The following STX18 variants were observed in gnomAD, a reference collection of about 807,000 sequenced individuals.
The protein encoded by STX18 is syntaxin 18.
STX18 carries 40 observed loss-of-function variants against 50.1 expected under a neutral mutation model. That is an observed-to-expected ratio of 0.80 (90% CI 0.62 to 1.04). The LOEUF (loss-of-function observed/expected upper bound fraction) is 1.04, where lower values mean the gene tolerates loss of function less well. STX18 is among the 50% of genes least tolerant of loss of function. STX18 has a pLI of 0.00. For missense variants in STX18, 410 were observed against 415.8 expected (o/e 0.99, Z 0.12); for synonymous variants, 158 against 151.8 (o/e 1.04, Z -0.30).
intron 5 of STX18, among the ~76,000 whole-genome samples, chr4:4,448,606 T>C (rs1396898673): frequency 6.6e-6 from 1 of 152,206 alleles, no homozygotes; most frequent in Non-Finnish European, 1.5e-5. Flanking sequence ...CCTCCCAAAG[T>C]GCTGGGATTA....
At chr4:4,482,600 CTTCTG>C (rs1728515056) in intron 1 of STX18, among the ~76,000 whole-genome samples, 1 of 152,264 alleles carries the variant, frequency 6.6e-6, no homozygotes, top group Non-Finnish European at 1.5e-5. Flanking sequence ...CATCTACCAG[CTTCTG>C]TTCCTGCACT....
intron 1 of STX18, among the ~76,000 whole-genome samples, chr4:4,483,370 T>C (rs578253010): frequency 6.6e-6 from 1 of 152,272 alleles, no homozygotes; most frequent in African/African-American, 2.4e-5. Flanking sequence ...TCAATGCAAC[T>C]TCCATTTTAA....
chr4:4,471,544 T>A, intron 2 of STX18, 95 bp downstream of exon 2: 1 of 806,042 alleles, frequency 1.2e-6, no homozygotes, highest in South Asian at 2.3e-5. Context: ...AACTCTGAGT[T>A]ATTAAGAAAA....
intron 5 of STX18, among the ~76,000 whole-genome samples, chr4:4,447,347 T>C (rs1322521443): frequency 2.6e-5 from 4 of 151,628 alleles, no homozygotes; most frequent in African/African-American, 7.3e-5. Context: ...CCCAGCACTT[T>C]GCGAGGCCGA....
At chr4:4,515,819 A>C (rs530977786) in intron 1 of STX18, among the ~76,000 whole-genome samples, 2 of 152,174 alleles carry the variant, frequency 1.3e-5, no homozygotes. Context: ...AATACTACTC[A>C]CTGGTAAAAT....
chr4:4,454,568 CCTCCTTCTCCGTAATGT>C (rs1726966858), intron 5 of STX18, among the ~76,000 whole-genome samples: 1 of 152,198 alleles, frequency 6.6e-6, no homozygotes, highest in Non-Finnish European at 1.5e-5. Context: ...CAGAGGCCTA[CCTCCTTCTCCGTAATGT>C]CTTGGAGCTA....
At position 4,419,910 on chromosome 4, in the gene STX18, CTTTCCCTT is replaced by C; in HGVS notation, c.*116_*123del. 2.5e-6 allele frequency: 2 copies of C among 800,798 alleles called. No homozygotes were observed. Among genetic ancestry groups the C allele is most frequent in the African/African-American group, 1.7e-5 (1 of 58,532 alleles). The allele number at this position is 800,798 out of a possible 1,614,324, so 49.6% of individuals were successfully genotyped here. On this transcript the variant is annotated 3_prime_UTR_variant, in exon 11 of 11. Coordinates refer to ENST00000306200, the MANE Select transcript of STX18 (RefSeq NM_016930.4). Reference sequence around the variant, plus strand: ...GGAATACGTCTGTCTGTCTGAACTCCTTTCCCTTCAAATGGCACTGTGATAAAATCTGG... The same window carrying C: ...GGAATACGTCTGTCTGTCTGAACTCCCAAATGGCACTGTGATAAAATCTGG...
intron 6 of STX18, among the ~76,000 whole-genome samples, chr4:4,437,149 G>C (rs1009261028): frequency 2.2e-4 from 34 of 151,978 alleles, no homozygotes; most frequent in Admixed American, 1.3e-4. Flanking sequence ...AGTAGAGATG[G>C]GGTTTTTCCA....
chr4:4,459,897 C>T (rs1433840571), intron 2 of STX18, among the ~76,000 whole-genome samples: 1 of 152,218 alleles, frequency 6.6e-6, no homozygotes, highest in Non-Finnish European at 1.5e-5. Context: ...TCCAGGCACA[C>T]TCCCACCTCA....
intron 1 of STX18, among the ~76,000 whole-genome samples, chr4:4,502,109 A>C (rs534799702): frequency 6.6e-6 from 1 of 152,354 alleles, no homozygotes; most frequent in East Asian, 1.9e-4. Flanking sequence ...CATTTGATGT[A>C]CACACAAAGA....
intron 1 of STX18, among the ~76,000 whole-genome samples, chr4:4,532,474 A>G (rs1731145771): frequency 7.2e-6 from 1 of 139,682 alleles, no homozygotes; most frequent in South Asian, 2.5e-4. Flanking sequence ...AAACCAAAAC[A>G]AAAAAAAAAC....
intron 1 of STX18, among the ~76,000 whole-genome samples, chr4:4,520,852 A>G (rs1027946852): frequency 6.6e-6 from 1 of 152,250 alleles, no homozygotes; most frequent in Non-Finnish European, 1.5e-5. Context: ...GCCTAGTGAA[A>G]TATATCTTTC....
chr4:4,529,572 C>T (rs995941586), intron 1 of STX18, among the ~76,000 whole-genome samples: 25 of 152,068 alleles, frequency 1.6e-4, no homozygotes, highest in African/African-American at 6.0e-4. Context: ...AAGTGGAGCA[C>T]AGTTCCCAGC....
intron 1 of STX18, among the ~76,000 whole-genome samples, chr4:4,538,188 A>C (rs116240249): frequency 2.4e-3 from 364 of 152,248 alleles, no homozygotes; most frequent in Middle Eastern, 0.014. Flanking sequence ...GTAGATTTCA[A>C]CTTGAATGTC....
At chr4:4,429,675 C>T (rs945223065) in intron 7 of STX18, among the ~76,000 whole-genome samples, 5 of 152,204 alleles carry the variant, frequency 3.3e-5, no homozygotes, top group Admixed American at 6.5e-5. Flanking sequence ...TGACAGTAGA[C>T]GGACTCTGCC....
chr4:4,497,191 A>C (rs954854624), intron 1 of STX18, among the ~76,000 whole-genome samples: 2 of 152,162 alleles, frequency 1.3e-5, no homozygotes, highest in African/African-American at 4.8e-5. Flanking sequence ...TCCCCAGTAC[A>C]AGGTCTCCTT....
At chr4:4,446,695 G>A (rs2108801772) in intron 5 of STX18, among the ~76,000 whole-genome samples, 1 of 152,312 alleles carries the variant, frequency 6.6e-6, no homozygotes, top group East Asian at 1.9e-4. Context: ...ATACATTGCT[G>A]GACAGTGTGT....
chr4:4,523,235 G>A (rs1220195249), intron 1 of STX18, among the ~76,000 whole-genome samples: 3 of 152,136 alleles, frequency 2.0e-5, no homozygotes, highest in Admixed American at 1.3e-4. Flanking sequence ...ACAGGCCTAC[G>A]TTCTCCATAG....
chr4:4,489,056 T>G (rs1404412568), intron 1 of STX18, among the ~76,000 whole-genome samples: 13 of 152,224 alleles, frequency 8.5e-5, no homozygotes. Context: ...AACTGATTTT[T>G]TTTCTCTTTT....
Sources: gnomAD v4.1 joint callset for allele counts (sites outside exome capture counted in the v4.1 genomes callset) on GRCh38, gnomAD v4.1.1 for gene constraint, MANE v1.5 for transcripts, NCBI Gene and HGNC (gene_info 2026-07-23, HGNC 2026-07-21) for gene names.